DLG2: variants seen among roughly 807,000 people sequenced by gnomAD.
DLG2 encodes discs large MAGUK scaffold protein 2, also known as disks large homolog 2.
A neutral mutation model predicts 132.5 loss-of-function variants in DLG2; 45 were observed. The observed-to-expected ratio is 0.34, with a 90% CI of 0.27 to 0.44. The LOEUF is 0.44. DLG2 is among the 20% of genes least tolerant of loss of function. DLG2 has a pLI of 1.00. For missense variants in DLG2, 1,045 were observed against 1,196.9 expected, an observed-to-expected ratio of 0.87 and a Z score of 1.87; for synonymous variants, 424 against 419.6, an observed-to-expected ratio of 1.01 and a Z score of -0.13.
chr11:83,458,698 A>G lies in DLG2; in HGVS notation c.*1120T>C, dbSNP rs2089371835. On this transcript the variant is annotated 3_prime_UTR_variant, in exon 28 of 28. Coordinates refer to ENST00000376104, the MANE Select transcript of DLG2 (RefSeq NM_001142699.3). Reference sequence around the variant, plus strand: ...TAACTAGGAACAAAGTTATTCAACTATTTGCATGGCAGGCTCAGGTTATTT... The same window carrying G: ...TAACTAGGAACAAAGTTATTCAACTGTTTGCATGGCAGGCTCAGGTTATTT... 6.6e-6 allele frequency: 1 copy of G among 152,246 alleles called. No individual in the cohort carries two copies. The highest frequency in any genetic ancestry group is 1.5e-5 in the Non-Finnish European group (1 of 68,040). 9.4% of individuals were successfully genotyped at this position (152,246 alleles called of 1,614,324 possible). A position where few individuals can be genotyped will look rare whatever the true frequency, so the allele number is the denominator to read the frequency against.
intron 3 of DLG2, among the ~76,000 whole-genome samples, chr11:85,291,800 G>T (rs2078910595): frequency 6.6e-6 from 1 of 151,868 alleles, no homozygotes; most frequent in East Asian, 1.9e-4. Flanking sequence ...GGGCAGGCTG[G>T]TTTCTAACTC....
rs776160286 is a variant in DLG2 at position 83,874,467 on chromosome 11, T to C, written c.1518A>G (p.Ala506=). The change falls in exon 16 of 28, where the codon GCA becomes GCG. Residue 506 remains alanine (A), a synonymous_variant. Coordinates refer to ENST00000376104, the MANE Select transcript of DLG2 (RefSeq NM_001142699.3). ...EMTSHSQHST[A]TRQPSMTLQR... ...GGAGAGTCATTGAAGGCTGACGAGT[T>C]GCGGTGCTATGTTGGGAATGACTGC... 64 of 1,602,076 alleles carry C rather than the reference T, an allele frequency of 4.0e-5. No individual in the cohort carries two copies. Among genetic ancestry groups the C allele is most frequent in the Non-Finnish European group, 5.3e-5 (62 of 1,172,838 alleles).
At chr11:84,095,021 C>T (rs2097146649) in intron 10 of DLG2, among the ~76,000 whole-genome samples, 1 of 151,544 alleles carries the variant, frequency 6.6e-6, no homozygotes, top group South Asian at 2.1e-4. Context: ...TGCACCATAC[C>T]TATTTTTTAA....
chr11:85,401,579 T>C (rs1348746874), intron 3 of DLG2, among the ~76,000 whole-genome samples: 1 of 152,202 alleles, frequency 6.6e-6, no homozygotes, highest in Non-Finnish European at 1.5e-5. Context: ...TGATTGTATA[T>C]TTAGAAAACC....
At chr11:84,576,765 A>C (rs1464070955) in intron 6 of DLG2, among the ~76,000 whole-genome samples, 1 of 152,232 alleles carries the variant, frequency 6.6e-6, no homozygotes, top group Non-Finnish European at 1.5e-5. Flanking sequence ...AATGACACAA[A>C]GAATCTATGT....
chr11:85,596,448 G>A (rs1241787690), intron 3 of DLG2, among the ~76,000 whole-genome samples: 1 of 152,116 alleles, frequency 6.6e-6, no homozygotes, highest in East Asian at 1.9e-4. Context: ...AGAGGGACTG[G>A]CTTCCTTGTC....
intron 19 of DLG2, among the ~76,000 whole-genome samples, chr11:83,577,748 AAT>A (rs1181850295): frequency 1.6e-5 from 2 of 127,296 alleles, no homozygotes; most frequent in Admixed American, 8.7e-5. Flanking sequence ...GGATATTATA[AAT>A]ATATAATTAT....
At chr11:85,152,695 A>C (rs569137057) in intron 5 of DLG2, among the ~76,000 whole-genome samples, 99 of 152,332 alleles carry the variant, frequency 6.5e-4, no homozygotes, top group Non-Finnish European at 9.6e-4. Flanking sequence ...TCAAATAGTA[A>C]GTGTATAAAG....
At chr11:83,804,524 C>T (rs1343126300) in intron 17 of DLG2, among the ~76,000 whole-genome samples, 2 of 150,998 alleles carry the variant, frequency 1.3e-5, no homozygotes, top group Admixed American at 1.3e-4. Flanking sequence ...CATTTGTTCT[C>T]CCTCTCTTCC....
intron 18 of DLG2, among the ~76,000 whole-genome samples, chr11:83,667,903 G>A (rs151279356): frequency 1.3e-4 from 19 of 149,792 alleles, no homozygotes; most frequent in African/African-American, 4.0e-4. Context: ...GCATGAACCC[G>A]GGAGGCAGAG....
intron 22 of DLG2, among the ~76,000 whole-genome samples, chr11:83,483,780 T>C (rs892509218): frequency 6.6e-6 from 1 of 152,192 alleles, no homozygotes; most frequent in South Asian, 2.1e-4. Context: ...AAAACATATG[T>C]GGCAATGGAA....
rs1555384682 is a variant in DLG2, at chr11:85,146,227, C to CTCTCTCT, written c.282+8328_282+8329insAGAGAGA. Among the ~76,000 whole-genome samples, 454 of 129,196 alleles carry CTCTCTCT rather than the reference C, an allele frequency of 3.5e-3. 5 individuals carry two copies. Among genetic ancestry groups the CTCTCTCT allele is most frequent in the East Asian group, 0.014 (63 of 4,556 alleles). 84.8% of individuals were successfully genotyped at this position (129,196 alleles called of 152,430 possible). On this transcript the variant is annotated intron_variant, in intron 5 of 27. Transcript: ENST00000376104. ...AAGTCTGTCTGTATGTCTGTTTCTCCCTCTCTCTCTCTCTCTCTCTCTCTC... is the reference window on the plus strand; with the variant it reads ...AAGTCTGTCTGTATGTCTGTTTCTCCTCTCTCTCTCTCTCTCTCTCTCTCTCTCTCTC...
chr11:84,105,204 C>A (rs1009988976), intron 9 of DLG2, among the ~76,000 whole-genome samples: 3 of 152,100 alleles, frequency 2.0e-5, no homozygotes, highest in Non-Finnish European at 4.4e-5. Flanking sequence ...GAAAATATTT[C>A]AAAACATTTC....
intron 9 of DLG2, among the ~76,000 whole-genome samples, chr11:84,143,138 C>G (rs1429465788): frequency 6.6e-6 from 1 of 151,836 alleles, no homozygotes; most frequent in Non-Finnish European, 1.5e-5. Context: ...GTGCCAGGTG[C>G]TGGGAATATA....
At chr11:85,505,744 A>C (rs986295708) in intron 3 of DLG2, among the ~76,000 whole-genome samples, 13 of 152,210 alleles carry the variant, frequency 8.5e-5, no homozygotes, top group Non-Finnish European at 1.5e-4. Flanking sequence ...GAAATGAGTT[A>C]GGGAGGATTC....
At chr11:84,611,695 G>A (rs1392087287) in intron 6 of DLG2, among the ~76,000 whole-genome samples, 1 of 152,150 alleles carries the variant, frequency 6.6e-6, no homozygotes, top group African/African-American at 2.4e-5. Context: ...TAAATGAGGA[G>A]TGACTACAAA....
intron 6 of DLG2, among the ~76,000 whole-genome samples, chr11:84,707,326 T>A (rs1490017391): frequency 1.3e-5 from 2 of 151,836 alleles, no homozygotes; most frequent in Non-Finnish European, 2.9e-5. Context: ...ATATATTTGA[T>A]TCTACAAATC....
At chr11:83,856,815 A>G (rs2060603225) in intron 16 of DLG2, among the ~76,000 whole-genome samples, 1 of 152,160 alleles carries the variant, frequency 6.6e-6, no homozygotes, top group African/African-American at 2.4e-5. Flanking sequence ...GCTGTACAGA[A>G]GCTCTTTAGT....
intron 6 of DLG2, among the ~76,000 whole-genome samples, chr11:84,600,233 A>G (rs1259409791): frequency 7.7e-6 from 1 of 130,306 alleles, no homozygotes; most frequent in Non-Finnish European, 1.5e-5. Flanking sequence ...AGAGAAAGAA[A>G]GACAGAAAAG....
Sources: gnomAD v4.1 joint callset for allele counts (sites outside exome capture counted in the v4.1 genomes callset) on GRCh38, gnomAD v4.1.1 for gene constraint, MANE v1.5 for transcripts, NCBI Gene and HGNC (gene_info 2026-07-23, HGNC 2026-07-21) for gene names.